CCDC171: variants seen among roughly 807,000 people sequenced by gnomAD.
CCDC171 encodes the protein coiled-coil domain containing 171, also known as coiled-coil domain-containing protein 171.
CCDC171 carries 177 observed loss-of-function variants against 168.2 expected under a neutral mutation model. The ratio of observed to expected loss-of-function variants is 1.05; its 90% confidence interval spans 0.93 to 1.19. CCDC171 has a LOEUF of 1.19. CCDC171 is among the 50% of genes most tolerant of loss of function. The pLI, the probability that CCDC171 is intolerant of heterozygous loss-of-function variation, is 0.00. For missense variants in CCDC171, 1,991 were observed against 1,539.0 expected (o/e 1.29, Z -4.91); for synonymous variants, 687 against 540.8 (o/e 1.27, Z -3.75).
At chr9:16,091,531 A>AGTT in the CCDC171 span, among the ~76,000 whole-genome samples, 1 of 152,194 alleles carries the variant, frequency 6.6e-6, no homozygotes, top group Non-Finnish European at 1.5e-5. Flanking sequence ...TCAACCTGCC[A>AGTT]GTCCCTGGAG....
chr9:16,097,603 T>C, the CCDC171 span, among the ~76,000 whole-genome samples: 179 of 152,266 alleles, frequency 1.2e-3, no homozygotes, highest in African/African-American at 4.2e-3. Flanking sequence ...AAGCATACTA[T>C]CTCAAAAAAG....
At chr9:15,666,648 CTT>C (rs1176652466) in intron 9 of CCDC171, among the ~76,000 whole-genome samples, 1 of 152,040 alleles carries the variant, frequency 6.6e-6, no homozygotes, top group Non-Finnish European at 1.5e-5. Flanking sequence ...CATAGTGAGA[CTT>C]TGTCTCTACA....
intron 24 of CCDC171, among the ~76,000 whole-genome samples, chr9:15,906,565 C>G (rs954440433): frequency 6.6e-6 from 1 of 152,182 alleles, no homozygotes; most frequent in Non-Finnish European, 1.5e-5. Context: ...CAGCCAATAT[C>G]ATACTGAATG....
chr9:15,583,966 C>G (rs769553274), intron 4 of CCDC171, among the ~76,000 whole-genome samples: 2 of 152,140 alleles, frequency 1.3e-5, no homozygotes, highest in Non-Finnish European at 2.9e-5. Context: ...CTCCCGGGTT[C>G]AAGCAATTCT....
At chr9:15,763,900 G>A (rs770356598) in intron 18 of CCDC171, among the ~76,000 whole-genome samples, 2 of 152,112 alleles carry the variant, frequency 1.3e-5, no homozygotes, top group Non-Finnish European at 2.9e-5. Flanking sequence ...TTTGTTGGAT[G>A]TATGTTTTTA....
At chr9:15,882,256 T>G (rs1385841843) in intron 24 of CCDC171, among the ~76,000 whole-genome samples, 1 of 152,246 alleles carries the variant, frequency 6.6e-6, no homozygotes, top group African/African-American at 2.4e-5. Flanking sequence ...AAATATCTAT[T>G]CAGATCTTTT....
intron 15 of CCDC171, 79 bp from the exon 16 acceptor site, chr9:15,729,531 T>C (rs747654334): frequency 2.0e-4 from 156 of 777,214 alleles, no homozygotes; most frequent in Non-Finnish European, 3.0e-4. Context: ...TAGGACATTT[T>C]GGGTATTTTA....
rs1003825264 is a variant in CCDC171 at position 15,792,297 on chromosome 9, A to G, written c.3267+7603A>G. ...AAAACAGAGGAAAAAGAAACGAACA[A>G]AGCTTCCAAGAAATATGGGACTGTG... On this transcript the variant is annotated intron_variant, in intron 21 of 25. Transcript: ENST00000380701. Among the ~76,000 whole-genome samples the G allele has an allele frequency of 7.5e-4, 114 of 152,322 alleles. 1 individual carries two copies. The highest frequency in any genetic ancestry group is 2.5e-3 in the African/African-American group (105 of 41,562).
chr9:15,558,142 G>A (rs1179668961), intron 1 of CCDC171, among the ~76,000 whole-genome samples: 3 of 152,258 alleles, frequency 2.0e-5, no homozygotes, highest in Non-Finnish European at 4.4e-5. Flanking sequence ...TGGTTTGCCA[G>A]TATTTTATTG....
chr9:16,012,128 C>T, intron 3 of CCDC171, among the ~76,000 whole-genome samples: 1 of 152,180 alleles, frequency 6.6e-6, no homozygotes, highest in East Asian at 1.9e-4. Flanking sequence ...TCTGGCTAAC[C>T]AGGACTTTCC....
chr9:15,737,498 G>C (rs1473120026), intron 16 of CCDC171, among the ~76,000 whole-genome samples: 1 of 152,154 alleles, frequency 6.6e-6, no homozygotes, highest in Non-Finnish European at 1.5e-5. Context: ...TCAGAATTTA[G>C]AGGTAATATT....
chr9:15,733,447 C>T (rs1340500332), intron 16 of CCDC171, among the ~76,000 whole-genome samples: 5 of 144,570 alleles, frequency 3.5e-5, no homozygotes, highest in Non-Finnish European at 6.0e-5. Context: ...GAGTTAGTTT[C>T]TGTAAAGGTG....
chr9:16,107,551 TCA>T, the CCDC171 span, among the ~76,000 whole-genome samples: 1 of 151,988 alleles, frequency 6.6e-6, no homozygotes, highest in African/African-American at 2.4e-5. Context: ...TGTGTGTGTA[TCA>T]CACACACACA....
At chr9:15,733,258 C>T (rs1275688981) in intron 16 of CCDC171, among the ~76,000 whole-genome samples, 2 of 152,060 alleles carry the variant, frequency 1.3e-5, no homozygotes, top group African/African-American at 4.8e-5. Context: ...CTACTGTTCT[C>T]TTAGCAGTAC....
In CCDC171 at chr9:15,747,952, G is replaced by A. The variant is rs138180519; in HGVS notation, c.2671+2321G>A. Among the ~76,000 whole-genome samples the A allele has an allele frequency of 6.9e-3, 1,056 of 152,142 alleles. 17 individuals are homozygous for A. The highest frequency in any genetic ancestry group is 0.024 in the African/African-American group (988 of 41,496). On this transcript the variant is annotated intron_variant, in intron 18 of 25. Coordinates refer to ENST00000380701, the MANE Select transcript of CCDC171 (RefSeq NM_173550.4). ...AAGATGAGTAATAACAAACTTCTCC[G>A]AGCTAAAGGAGCATGTTCTAACCCA...
At chr9:15,984,694 TCAA>T (rs1831928552) in intron 3 of CCDC171, among the ~76,000 whole-genome samples, 1 of 152,118 alleles carries the variant, frequency 6.6e-6, no homozygotes, top group Non-Finnish European at 1.5e-5. Context: ...AGAATATTTA[TCAA>T]CATTACAAAG....
At chr9:16,107,690 C>G in the CCDC171 span, among the ~76,000 whole-genome samples, 1 of 152,106 alleles carries the variant, frequency 6.6e-6, no homozygotes, top group Non-Finnish European at 1.5e-5. Flanking sequence ...AAACATGTCT[C>G]TTAACCCCTA....
At chr9:16,092,510 AC>A in the CCDC171 span, among the ~76,000 whole-genome samples, 13 of 151,646 alleles carry the variant, frequency 8.6e-5, no homozygotes, top group Non-Finnish European at 1.6e-4. Context: ...ACTGCTCCCC[AC>A]CCCGCCGCCC....
At chr9:15,747,605 A>G (rs957935985) in intron 18 of CCDC171, among the ~76,000 whole-genome samples, 1 of 152,232 alleles carries the variant, frequency 6.6e-6, no homozygotes, top group African/African-American at 2.4e-5. Flanking sequence ...ATACCTAGGC[A>G]CACAGGGTCT....
Sources: allele counts gnomAD v4.1 joint callset (sites outside exome capture counted in the v4.1 genomes callset), GRCh38; gene constraint gnomAD v4.1.1; transcripts MANE v1.5; gene names NCBI Gene and HGNC (gene_info 2026-07-23, HGNC 2026-07-21).